Variants in KLF12 observed in about 807,000 individuals in gnomAD.
KLF12 encodes the protein KLF transcription factor 12, also known as Krueppel-like factor 12.
Under a neutral mutation model 37.8 loss-of-function variants are expected in KLF12, and 9 were observed. That is an observed-to-expected ratio of 0.24 (90% CI 0.14 to 0.42). The LOEUF is 0.42. Ranked by LOEUF, KLF12 falls within the 10% of genes least tolerant of loss-of-function variation. The pLI, the probability that KLF12 is intolerant of heterozygous loss-of-function variation, is 1.00. For missense variants in KLF12, 411 were observed against 516.0 expected, an observed-to-expected ratio of 0.80 and a Z score of 1.97; for synonymous variants, 208 against 202.1, an observed-to-expected ratio of 1.03 and a Z score of -0.25.
the KLF12 span, among the ~76,000 whole-genome samples, chr13:74,154,075 A>AG: frequency 1.3e-5 from 2 of 151,430 alleles, no homozygotes; most frequent in African/African-American, 4.8e-5. Context: ...AAATACCAAA[A>AG]AAAAAAAAAA....
chr13:73,883,205 A>G lies in KLF12; in HGVS notation c.124-36832T>C, dbSNP rs575357205. 1.1e-3 allele frequency among the ~76,000 whole-genome samples: 174 copies of G among 152,340 alleles called. 1 individual carries two copies. Among genetic ancestry groups the G allele is most frequent in the African/African-American group, 4.0e-3 (168 of 41,572 alleles). On this transcript the variant is annotated intron_variant, in intron 3 of 7. Coordinates refer to ENST00000377669, the MANE Select transcript of KLF12 (RefSeq NM_007249.5). ...ACTGTACATCCTTTTATTAAAAAGC[A>G]ACTTCAATGAGAATAGCAATAAACT...
intron 2 of KLF12, among the ~76,000 whole-genome samples, chr13:73,984,114 A>T (rs922122406): frequency 6.6e-6 from 1 of 152,236 alleles, no homozygotes; most frequent in African/African-American, 2.4e-5. Flanking sequence ...GACAGCAAGC[A>T]GGTAGAGCTG....
intron 6 of KLF12, among the ~76,000 whole-genome samples, chr13:73,759,400 G>C (rs1879399389): frequency 6.6e-6 from 1 of 152,118 alleles, no homozygotes; most frequent in African/African-American, 2.4e-5. Context: ...TATAAATAAT[G>C]AGCATGCAAG....
At chr13:73,761,849 A>G (rs1317914764) in intron 6 of KLF12, among the ~76,000 whole-genome samples, 1 of 152,154 alleles carries the variant, frequency 6.6e-6, no homozygotes, top group Non-Finnish European at 1.5e-5. Flanking sequence ...ACTTCCATTT[A>G]GGGACAAGGG....
At chr13:74,112,729 A>T (rs1177501594) in intron 1 of KLF12, among the ~76,000 whole-genome samples, 1 of 152,140 alleles carries the variant, frequency 6.6e-6, no homozygotes, top group African/African-American at 2.4e-5. Flanking sequence ...ACAACACTAA[A>T]ATTGGGCCAA....
intron 3 of KLF12, among the ~76,000 whole-genome samples, chr13:73,937,731 A>G (rs193030027): frequency 1.2e-3 from 187 of 152,340 alleles, no homozygotes; most frequent in Non-Finnish European, 2.2e-3. Flanking sequence ...TCTGCCTGCT[A>G]TATTTCCCTT....
At chr13:74,221,390 G>A in the KLF12 span, among the ~76,000 whole-genome samples, 6 of 151,916 alleles carry the variant, frequency 3.9e-5, no homozygotes, top group Non-Finnish European at 8.8e-5. Flanking sequence ...TCTGGTCTAT[G>A]TATTTTTTTT....
chr13:74,295,767 A>G, the KLF12 span, among the ~76,000 whole-genome samples: 1 of 152,146 alleles, frequency 6.6e-6, no homozygotes, highest in African/African-American at 2.4e-5. Flanking sequence ...TGGACTAAAA[A>G]TAGTGGTTTA....
chr13:74,043,734 T>A (rs990791642), intron 1 of KLF12, among the ~76,000 whole-genome samples: 2 of 152,206 alleles, frequency 1.3e-5, no homozygotes, highest in African/African-American at 2.4e-5. Context: ...CAACATAATA[T>A]TTATGTGTTC....
At chr13:74,142,914 T>C in the KLF12 span, among the ~76,000 whole-genome samples, 1 of 152,196 alleles carries the variant, frequency 6.6e-6, no homozygotes, top group Non-Finnish European at 1.5e-5. Flanking sequence ...AGAATACATA[T>C]GAAGTTAAAA....
chr13:73,701,263 T>C (rs1314038655), intron 7 of KLF12, among the ~76,000 whole-genome samples: 1 of 152,262 alleles, frequency 6.6e-6, no homozygotes, highest in African/African-American at 2.4e-5. Context: ...ACTTGATTTC[T>C]ATTAATTTCT....
chr13:74,199,373 C>A, the KLF12 span, among the ~76,000 whole-genome samples: 1 of 152,018 alleles, frequency 6.6e-6, no homozygotes, highest in African/African-American at 2.4e-5. Context: ...AGCTTGAGAG[C>A]GAAATTAGAT....
At chr13:74,270,992 G>T in the KLF12 span, among the ~76,000 whole-genome samples, 2 of 152,278 alleles carry the variant, frequency 1.3e-5, no homozygotes, top group South Asian at 2.1e-4. Context: ...GAACTGGGCC[G>T]CACAGAAGGA....
At chr13:74,095,442 G>A (rs2138842025) in intron 1 of KLF12, among the ~76,000 whole-genome samples, 1 of 152,002 alleles carries the variant, frequency 6.6e-6, no homozygotes, top group Middle Eastern at 3.4e-3. Flanking sequence ...AGGCTGGAGT[G>A]CAGTGGTGTG....
At chr13:74,261,854 T>C in the KLF12 span, among the ~76,000 whole-genome samples, 1 of 152,190 alleles carries the variant, frequency 6.6e-6, no homozygotes, top group African/African-American at 2.4e-5. Context: ...GTAAACTCTG[T>C]GCTTGCCAAA....
the KLF12 span, chr13:74,289,355 A>C: frequency 6.6e-6 from 1 of 152,214 alleles, no homozygotes; most frequent in Non-Finnish European, 1.5e-5. Flanking sequence ...TCAGTGGAGT[A>C]GTAAGGGAAG....
At chr13:74,133,676 CAAAA>C (rs60415171) in intron 1 of KLF12, among the ~76,000 whole-genome samples, 14 of 132,370 alleles carry the variant, frequency 1.1e-4, no homozygotes, top group Admixed American at 2.2e-4. Context: ...TTTGGGATGG[CAAAA>C]AAAAAAAAAA....
At chr13:73,863,848 T>TC (rs944357887) in intron 3 of KLF12, among the ~76,000 whole-genome samples, 2 of 152,166 alleles carry the variant, frequency 1.3e-5, no homozygotes, top group African/African-American at 4.8e-5. Flanking sequence ...AACTGGATAC[T>TC]CCAACACATT....
intron 3 of KLF12, among the ~76,000 whole-genome samples, chr13:73,885,941 A>G (rs1887201958): frequency 6.6e-6 from 1 of 152,200 alleles, no homozygotes; most frequent in Non-Finnish European, 1.5e-5. Context: ...AAGATCAAGG[A>G]TAACTCCTAT....
Sources: gnomAD v4.1 joint callset for allele counts (sites outside exome capture counted in the v4.1 genomes callset) on GRCh38, gnomAD v4.1.1 for gene constraint, MANE v1.5 for transcripts, NCBI Gene and HGNC (gene_info 2026-07-23, HGNC 2026-07-21) for gene names.